FRAS1: variants seen among roughly 807,000 people sequenced by gnomAD.
FRAS1 encodes extracellular matrix organizing protein FRAS1.
A neutral mutation model predicts 435.2 loss-of-function variants in FRAS1; 290 were observed. That is an observed-to-expected ratio of 0.67 (90% CI 0.61 to 0.73). FRAS1 has a LOEUF of 0.73. FRAS1 is among the 30% of genes least tolerant of loss of function. The pLI is 0.00. For missense variants in FRAS1, 4,860 were observed against 5,001.5 expected, an observed-to-expected ratio of 0.97 and a Z score of 0.85; for synonymous variants, 1,800 against 1,851.0, an observed-to-expected ratio of 0.97 and a Z score of 0.71.
chr4:78,199,700 A>G (rs1035268958), intron 2 of FRAS1, among the ~76,000 whole-genome samples: 3 of 152,172 alleles, frequency 2.0e-5, no homozygotes, highest in Admixed American at 2.0e-4. Flanking sequence ...CCAGACTTCC[A>G]CCTCCTAAGA....
chr4:78,525,490 G>C (rs1447082302), intron 69 of FRAS1, among the ~76,000 whole-genome samples: 1 of 152,174 alleles, frequency 6.6e-6, no homozygotes, highest in Non-Finnish European at 1.5e-5. Flanking sequence ...TTTTCAGCCT[G>C]TGCCAGTCCA....
At chr4:78,112,826 T>G (rs1055475354) in intron 2 of FRAS1, among the ~76,000 whole-genome samples, 1 of 152,092 alleles carries the variant, frequency 6.6e-6, no homozygotes, top group Non-Finnish European at 1.5e-5. Flanking sequence ...ATTTATTTAT[T>G]TATTCATTTT....
At chr4:78,155,078 G>A (rs1403671473) in intron 2 of FRAS1, among the ~76,000 whole-genome samples, 1 of 152,184 alleles carries the variant, frequency 6.6e-6, no homozygotes, top group Non-Finnish European at 1.5e-5. Context: ...TCTTCACACA[G>A]ATAATAAAAC....
chr4:78,189,590 G>A (rs1722436874), intron 2 of FRAS1, among the ~76,000 whole-genome samples: 1 of 152,182 alleles, frequency 6.6e-6, no homozygotes, highest in Non-Finnish European at 1.5e-5. Flanking sequence ...AACTTTTAGG[G>A]ATGTAGGCCT....
At chr4:78,266,446 T>C (rs980909751) in intron 7 of FRAS1, among the ~76,000 whole-genome samples, 1 of 152,196 alleles carries the variant, frequency 6.6e-6, no homozygotes, top group African/African-American at 2.4e-5. Context: ...ATGCCCTAGC[T>C]GCAAGGGAAG....
Position 78,489,026 on chromosome 4 carries a change from T to C in FRAS1, c.8904T>C (p.Phe2968=). ...QSHSAQVMED[F]EERQNADSSR... is the part of the protein sequence containing the mutation. The stretch of plus-strand genomic sequence containing the variant: ...ATTCCGCTCAGGTCATGGAGGACTT[T>C]GAGGAGAGACAAAATGCAGACTCTT... Residue 2968 remains phenylalanine (F), a synonymous_variant, in exon 59 of 74, where the codon TTT becomes TTC. Coordinates refer to ENST00000512123, the MANE Select transcript of FRAS1 (RefSeq NM_025074.7). The C allele has an allele frequency of 6.2e-7, 1 of 1,613,662 alleles. No homozygotes were observed. Among genetic ancestry groups the C allele is most frequent in the Non-Finnish European group, 8.5e-7 (1 of 1,179,724 alleles).
Position 78,438,689 on chromosome 4 carries a change from A to G in FRAS1, c.5337A>G (p.Thr1779=). ...VEELSEVSNF[T]MEDINNKKIR... The stretch of plus-strand genomic sequence containing the variant: ...AGCTCTCAGAAGTTTCCAATTTCAC[A>G]ATGGAAGACATCAATAACAAGAAAA... Residue 1779 remains threonine, a synonymous_variant, in exon 39 of 74, where the codon ACA becomes ACG. Coordinates refer to ENST00000512123, the MANE Select transcript of FRAS1 (RefSeq NM_025074.7). The G allele has an allele frequency of 6.2e-7, 1 of 1,607,772 alleles. No individual in the cohort carries two copies. The highest frequency in any genetic ancestry group is 8.5e-7 in the Non-Finnish European group (1 of 1,176,698).
chr4:78,531,184 G>A (rs942743368), intron 70 of FRAS1, among the ~76,000 whole-genome samples: 3 of 152,136 alleles, frequency 2.0e-5, no homozygotes, highest in African/African-American at 7.2e-5. Flanking sequence ...TTTGCACATT[G>A]ATTATTTATC....
At chr4:78,275,599 T>G (rs1446235054) in intron 9 of FRAS1, among the ~76,000 whole-genome samples, 3 of 152,200 alleles carry the variant, frequency 2.0e-5, no homozygotes, top group Admixed American at 6.5e-5. Context: ...GATATGAAAT[T>G]CTGGGTTGAG....
intron 30 of FRAS1, among the ~76,000 whole-genome samples, chr4:78,406,253 A>C (rs796787641): frequency 9.2e-5 from 14 of 152,334 alleles, no homozygotes; most frequent in African/African-American, 3.4e-4. Context: ...GAAGACCTTC[A>C]TCTGTAAAAT....
intron 47 of FRAS1, among the ~76,000 whole-genome samples, chr4:78,453,400 C>T (rs927999186): frequency 6.6e-6 from 1 of 152,112 alleles, no homozygotes; most frequent in Non-Finnish European, 1.5e-5. Context: ...ATTCAATAGA[C>T]ATTTGTTGGT....
intron 2 of FRAS1, among the ~76,000 whole-genome samples, chr4:78,147,318 A>T (rs1720459040): frequency 6.6e-6 from 1 of 152,192 alleles, no homozygotes; most frequent in African/African-American, 2.4e-5. Context: ...ACAGGGAATG[A>T]ACAGTTACGG....
chr4:78,159,602 C>T (rs1242390753), intron 2 of FRAS1, among the ~76,000 whole-genome samples: 1 of 152,112 alleles, frequency 6.6e-6, no homozygotes, highest in Non-Finnish European at 1.5e-5. Context: ...TAGAACTGGC[C>T]AAGCATGGTG....
chr4:78,475,994 G>A (rs1034034183), intron 54 of FRAS1, among the ~76,000 whole-genome samples: 5 of 152,206 alleles, frequency 3.3e-5, no homozygotes, highest in South Asian at 2.1e-4. Context: ...GGGGTAGGCT[G>A]GCTGAGATGA....
intron 56 of FRAS1, among the ~76,000 whole-genome samples, chr4:78,479,983 G>A (rs1719963630): frequency 6.6e-6 from 1 of 152,118 alleles, no homozygotes; most frequent in Non-Finnish European, 1.5e-5. Context: ...TGGATTATAT[G>A]ATATATTTTG....
chr4:78,132,896 G>C (rs1051664678), intron 2 of FRAS1, among the ~76,000 whole-genome samples: 2 of 152,120 alleles, frequency 1.3e-5, no homozygotes, highest in African/African-American at 2.4e-5. Context: ...TACATGTTTA[G>C]AGGAGCTGTC....
At chr4:78,195,745 G>A (rs961751791) in intron 2 of FRAS1, among the ~76,000 whole-genome samples, 1 of 152,106 alleles carries the variant, frequency 6.6e-6, no homozygotes, top group African/African-American at 2.4e-5. Context: ...GCCTCACCCT[G>A]CTTCGGCTCA....
chr4:78,457,835 A>C (rs907761824), intron 47 of FRAS1, among the ~76,000 whole-genome samples: 1 of 152,226 alleles, frequency 6.6e-6, no homozygotes, highest in Non-Finnish European at 1.5e-5. Context: ...TTAAAGCTCC[A>C]AAAAAGGTAA....
intron 19 of FRAS1, among the ~76,000 whole-genome samples, chr4:78,336,681 C>A (rs1051411889): frequency 6.6e-6 from 1 of 152,016 alleles, no homozygotes; most frequent in East Asian, 1.9e-4. Flanking sequence ...TTCTCTTGGC[C>A]TCTTGCCAGA....
Sources: allele counts gnomAD v4.1 joint callset (sites outside exome capture counted in the v4.1 genomes callset), GRCh38; gene constraint gnomAD v4.1.1; transcripts MANE v1.5; gene names NCBI Gene and HGNC (gene_info 2026-07-23, HGNC 2026-07-21).